ARHGAP15: variants seen among roughly 807,000 people sequenced by gnomAD.
ARHGAP15 encodes the protein Rho GTPase activating protein 15, also known as rho GTPase-activating protein 15.
In ARHGAP15, 51 loss-of-function variants were observed where a neutral mutation model predicts 63.7. That is an observed-to-expected ratio of 0.80 (90% CI 0.64 to 1.01). The LOEUF (loss-of-function observed/expected upper bound fraction) is 1.01. Among genes scored for constraint, ARHGAP15 ranks in the 50% least tolerant of loss-of-function variants. ARHGAP15 has a pLI of 0.00. For missense variants in ARHGAP15, 560 were observed against 564.6 expected (o/e 0.99, Z 0.08); for synonymous variants, 191 against 193.8 (o/e 0.99, Z 0.12).
intron 11 of ARHGAP15, among the ~76,000 whole-genome samples, chr2:143,558,427 G>A (rs954510275): frequency 2.6e-5 from 4 of 152,050 alleles, no homozygotes; most frequent in East Asian, 1.9e-4. Flanking sequence ...TGAATTTACA[G>A]TAGTACATTC....
chr2:143,264,117 C>A (rs1020675717), intron 6 of ARHGAP15, among the ~76,000 whole-genome samples: 1 of 151,586 alleles, frequency 6.6e-6, no homozygotes, highest in Admixed American at 6.6e-5. Context: ...GTTCATGGAA[C>A]TTTCTTAATC....
chr2:143,668,610 C>T (rs927529807), intron 12 of ARHGAP15, among the ~76,000 whole-genome samples: 9 of 152,200 alleles, frequency 5.9e-5, no homozygotes, highest in Non-Finnish European at 1.2e-4. Flanking sequence ...TTTTATACAG[C>T]CTACATGACC....
intron 6 of ARHGAP15, among the ~76,000 whole-genome samples, chr2:143,292,315 A>C (rs1250522476): frequency 6.6e-6 from 1 of 152,126 alleles, no homozygotes; most frequent in Non-Finnish European, 1.5e-5. Context: ...AATTATTTAC[A>C]AATGTATTTT....
chr2:143,293,957 C>T (rs1011356759), intron 6 of ARHGAP15, among the ~76,000 whole-genome samples: 9 of 151,914 alleles, frequency 5.9e-5, no homozygotes, highest in Non-Finnish European at 1.0e-4. Context: ...TACTCTAAGT[C>T]CATTTGACAA....
At chr2:143,750,719 C>A (rs1007729734) in intron 13 of ARHGAP15, among the ~76,000 whole-genome samples, 2 of 152,174 alleles carry the variant, frequency 1.3e-5, no homozygotes, top group African/African-American at 4.8e-5. Flanking sequence ...CCAGGCCTAA[C>A]TGCAAGCCGT....
chr2:143,682,597 G>A (rs1683154573), intron 12 of ARHGAP15: 1 of 152,082 alleles, frequency 6.6e-6, no homozygotes, highest in African/African-American at 2.4e-5. Flanking sequence ...TGCTTGTTCA[G>A]CTTTCAAAAG....
intron 1 of ARHGAP15, among the ~76,000 whole-genome samples, chr2:143,131,047 T>G (rs946750930): frequency 6.6e-6 from 1 of 152,144 alleles, no homozygotes; most frequent in African/African-American, 2.4e-5. Flanking sequence ...TCCATGAAAA[T>G]TTTTTAAATT....
intron 2 of ARHGAP15, among the ~76,000 whole-genome samples, chr2:143,178,786 C>A (rs945033377): frequency 1.3e-5 from 2 of 152,098 alleles, no homozygotes; most frequent in Non-Finnish European, 1.5e-5. Context: ...GTTAATTTTC[C>A]TGCTACTGAG....
chr2:143,132,806 A>G (rs1688965018), intron 1 of ARHGAP15, among the ~76,000 whole-genome samples: 1 of 152,220 alleles, frequency 6.6e-6, no homozygotes, highest in Admixed American at 6.5e-5. Context: ...AACTTCTTCA[A>G]ATTCCATAAT....
At chr2:143,254,310 A>G (rs1680310208) in intron 6 of ARHGAP15, among the ~76,000 whole-genome samples, 1 of 152,070 alleles carries the variant, frequency 6.6e-6, no homozygotes, top group Non-Finnish European at 1.5e-5. Context: ...AAGCGGGGCT[A>G]CTGTCACCTT....
chr2:143,729,157 ATTG>A (rs1231330419), intron 13 of ARHGAP15, among the ~76,000 whole-genome samples: 1 of 152,242 alleles, frequency 6.6e-6, no homozygotes, highest in Non-Finnish European at 1.5e-5. Flanking sequence ...ATTTGTTAGT[ATTG>A]TTCTGATAAA....
intron 6 of ARHGAP15, among the ~76,000 whole-genome samples, chr2:143,361,016 T>G (rs1429192666): frequency 6.6e-6 from 1 of 152,150 alleles, no homozygotes; most frequent in East Asian, 1.9e-4. Flanking sequence ...ACCGTCCATG[T>G]CTCAGAACAT....
chr2:143,611,797 C>G (rs1312818980), intron 11 of ARHGAP15, among the ~76,000 whole-genome samples: 1 of 152,186 alleles, frequency 6.6e-6, no homozygotes. Flanking sequence ...GCTACTCTTT[C>G]TCAAGTATTA....
At chr2:143,400,168 A>AT (rs1366268423) in intron 6 of ARHGAP15, among the ~76,000 whole-genome samples, 21 of 152,038 alleles carry the variant, frequency 1.4e-4, no homozygotes, top group African/African-American at 5.1e-4. Context: ...TTTCAGTGTT[A>AT]TATTTTTTTA....
chr2:143,434,254 T>G (rs1407521492), intron 6 of ARHGAP15, among the ~76,000 whole-genome samples: 1 of 152,142 alleles, frequency 6.6e-6, no homozygotes, highest in Non-Finnish European at 1.5e-5. Context: ...TAGACAGTTC[T>G]TCTCACAGTT....
intron 6 of ARHGAP15, among the ~76,000 whole-genome samples, chr2:143,343,517 G>A: frequency 6.6e-6 from 1 of 152,130 alleles, no homozygotes. Context: ...AGGGCTTTCT[G>A]CAGGGCAGTG....
chr2:143,242,766 A>T (rs1173882619), intron 5 of ARHGAP15, among the ~76,000 whole-genome samples: 1 of 152,208 alleles, frequency 6.6e-6, no homozygotes, highest in African/African-American at 2.4e-5. Context: ...TACTTTAGAC[A>T]TTAATAAGAT....
intron 3 of ARHGAP15, among the ~76,000 whole-genome samples, chr2:143,215,139 C>T (rs752499128): frequency 6.6e-6 from 1 of 152,180 alleles, no homozygotes; most frequent in Non-Finnish European, 1.5e-5. Flanking sequence ...ACATTTACAA[C>T]ATGATCTGAT....
chr2:143,500,756 G>A (rs1693020571), intron 9 of ARHGAP15, among the ~76,000 whole-genome samples: 1 of 152,148 alleles, frequency 6.6e-6, no homozygotes, highest in Non-Finnish European at 1.5e-5. Context: ...GTGATAGACA[G>A]CTTATGCAGA....
Sources: gnomAD v4.1 joint callset for allele counts (sites outside exome capture counted in the v4.1 genomes callset) on GRCh38, gnomAD v4.1.1 for gene constraint, MANE v1.5 for transcripts, NCBI Gene and HGNC (gene_info 2026-07-23, HGNC 2026-07-21) for gene names.